The following LINGO1 variants were observed in gnomAD, a reference collection of about 807,000 sequenced individuals.
LINGO1 encodes the protein leucine rich repeat and Ig domain containing 1, also known as leucine-rich repeat and immunoglobulin-like domain-containing nogo receptor-interacting protein 1.
A neutral mutation model predicts 37.3 loss-of-function variants in LINGO1; 11 were observed. The ratio of observed to expected loss-of-function variants is 0.29; its 90% confidence interval spans 0.19 to 0.49. The LOEUF is 0.49. LINGO1 is among the 20% of genes least tolerant of loss of function. The pLI is 0.99. For synonymous variants in LINGO1, 387 were observed against 403.0 expected (o/e 0.96, Z 0.48); for missense variants, 585 against 878.2 (o/e 0.67, Z 4.22).
At chr15:77,732,250 C>A (rs2076160636) in intron 2 of LINGO1, among the ~76,000 whole-genome samples, 1 of 152,178 alleles carries the variant, frequency 6.6e-6, no homozygotes, top group East Asian at 1.9e-4. Flanking sequence ...GACCAGAGGG[C>A]TGGCAGAAAG....
chr15:77,709,527 C>T (rs966709045), intron 2 of LINGO1, among the ~76,000 whole-genome samples: 1 of 152,240 alleles, frequency 6.6e-6, no homozygotes, highest in African/African-American at 2.4e-5. Context: ...TTCAGGCTCA[C>T]TGCCCTGGGT....
upstream of LINGO1, among the ~76,000 whole-genome samples, chr15:77,791,492 GGA>G (rs1401565701): frequency 6.6e-6 from 1 of 152,064 alleles, no homozygotes; most frequent in African/African-American, 2.4e-5. Flanking sequence ...GGATGGAGGA[GGA>G]GAGTCACCTG....
chr15:77,785,218 G>A (rs2076759720), intron 1 of LINGO1: 1 of 152,160 alleles, frequency 6.6e-6, no homozygotes, highest in South Asian at 2.1e-4. Flanking sequence ...GAGCCTCCCA[G>A]CCCTCTCAGC....
chr15:77,701,489 G>C (rs1452922332), upstream of LINGO1, among the ~76,000 whole-genome samples: 2 of 152,162 alleles, frequency 1.3e-5, no homozygotes, highest in Non-Finnish European at 2.9e-5. Context: ...GCCTGAGAAG[G>C]CTTGTGATAT....
rs1324836644 is a variant in LINGO1 at position 77,615,256 on chromosome 15, G to A, written c.651C>T (p.Leu217=). Residue 217 remains leucine (L), a synonymous_variant, in exon 2 of 2, where the codon CTC becomes CTT. Transcript: ENST00000355300. ...PTEALSHLHG[L]IVLRLRHLNI... ...TGAGGTGCCGGAGCCTCAGGACGAT[G>A]AGGCCGTGCAGGTGGGACAGCGCCT... The A allele has an allele frequency of 5.0e-6, 8 of 1,613,858 alleles. No individual in the cohort carries two copies. Among genetic ancestry groups the A allele is most frequent in the Non-Finnish European group, 6.8e-6 (8 of 1,179,902 alleles).
chr15:77,794,251 A>G (rs2076839782), intron 2 of LINGO1, among the ~76,000 whole-genome samples: 1 of 151,114 alleles, frequency 6.6e-6, no homozygotes, highest in Non-Finnish European at 1.5e-5. Context: ...TTCTACCCAG[A>G]GCCAACTAAT....
At chr15:77,751,408 G>A (rs930598161) in intron 1 of LINGO1, among the ~76,000 whole-genome samples, 3 of 152,160 alleles carry the variant, frequency 2.0e-5, no homozygotes, top group Non-Finnish European at 2.9e-5. Context: ...TGGGGTTCAC[G>A]AGTCACAGGT....
At chr15:77,626,198 C>T (rs555396369) in intron 1 of LINGO1, among the ~76,000 whole-genome samples, 1 of 152,282 alleles carries the variant, frequency 6.6e-6, no homozygotes, top group South Asian at 2.1e-4. Flanking sequence ...CCAACCGCGG[C>T]CACTTTCTCT....
chr15:77,809,311 C>G (rs1448675961), intron 1 of LINGO1, among the ~76,000 whole-genome samples: 1 of 152,236 alleles, frequency 6.6e-6, no homozygotes. Context: ...GAGCAGAAAC[C>G]AGGCCTCAAA....
At chr15:77,642,029 G>A (rs1189977946) in intron 3 of LINGO1, 4 of 456,338 alleles carry the variant, frequency 8.8e-6, no homozygotes, top group African/African-American at 4.0e-5. Flanking sequence ...ATCTTGGAGG[G>A]TTGTGGGAAG....
In LINGO1 at chr15:77,632,400, GC is replaced by G. The variant is rs1596017561; in HGVS notation, c.-86del. The G allele has an allele frequency of 1.6e-6, 2 of 1,275,106 alleles. No individual in the cohort carries two copies. The highest frequency in any genetic ancestry group is 3.2e-5 in the East Asian group (1 of 31,136). The allele number at this position is 1,275,106 out of a possible 1,614,324, so 79.0% of individuals were successfully genotyped here. A position where few individuals can be genotyped will look rare whatever the true frequency, so the allele number is the denominator to read the frequency against. On this transcript the variant is annotated 5_prime_UTR_variant, in exon 1 of 2. Coordinates refer to ENST00000355300, the MANE Select transcript of LINGO1 (RefSeq NM_032808.7). This position sits in a 1 kb window ranked among gnomAD's most constrained non-coding sequence, Gnocchi z 6.0. ...CCGACCAGGCCCCAGCCCCTGCCCAGCCCCCTCCTCCGTTTCCTCCTCCTCC... is the reference window on the plus strand; with the variant it reads ...CCGACCAGGCCCCAGCCCCTGCCCAGCCCCTCCTCCGTTTCCTCCTCCTCC...
At chr15:77,738,895 C>A (rs35699564) in intron 1 of LINGO1, among the ~76,000 whole-genome samples, 18,599 of 152,128 alleles carry the variant, frequency 0.12, 1,628 homozygotes, top group African/African-American at 0.25. Flanking sequence ...AACTGCCTCC[C>A]ATATGAAGAA....
At chr15:77,634,658 AG>A (rs1439307213), upstream of LINGO1, among the ~76,000 whole-genome samples, 1 of 152,174 alleles carries the variant, frequency 6.6e-6, no homozygotes, top group Non-Finnish European at 1.5e-5. Flanking sequence ...GAGGTGAAGC[AG>A]GGAGGCCAGC....
intron 3 of LINGO1, among the ~76,000 whole-genome samples, chr15:77,657,924 C>CA (rs1252178272): frequency 6.6e-5 from 10 of 152,170 alleles, no homozygotes; most frequent in African/African-American, 2.4e-4. Flanking sequence ...AAAAATGTGT[C>CA]AGATTTTTAA....
upstream of LINGO1, among the ~76,000 whole-genome samples, chr15:77,790,254 TCTAAACC>T (rs2076808265): frequency 6.6e-6 from 1 of 152,182 alleles, no homozygotes; most frequent in South Asian, 2.1e-4. Flanking sequence ...CCTGCCCCTC[TCTAAACC>T]CTAGTTTGTT....
At chr15:77,684,918 G>A (rs761272959) in intron 2 of LINGO1, among the ~76,000 whole-genome samples, 4 of 152,124 alleles carry the variant, frequency 2.6e-5, no homozygotes, top group Admixed American at 6.5e-5. Context: ...CAACAAGCTC[G>A]GGGTGGTGCC....
upstream of LINGO1, among the ~76,000 whole-genome samples, chr15:77,697,100 T>C (rs980987929): frequency 4.0e-4 from 61 of 152,326 alleles, no homozygotes; most frequent in African/African-American, 1.3e-3. Flanking sequence ...GCTGTGATCA[T>C]GCCACTGCAC....
intron 1 of LINGO1, among the ~76,000 whole-genome samples, chr15:77,779,075 G>C (rs987999052): frequency 6.6e-6 from 1 of 152,004 alleles, no homozygotes; most frequent in African/African-American, 2.4e-5. Context: ...TGCTTTGAAT[G>C]GTCTCCCCAG....
rs1340516939 is a variant in LINGO1, at chr15:77,632,672, G to A, written c.-357C>T. Reference sequence around the variant, plus strand: ...CGCCTCTGCCGCTGGGGCCGGGGTCGAGGCCGGGCGCGCTCCGCCGCGGGG... The same window carrying A: ...CGCCTCTGCCGCTGGGGCCGGGGTCAAGGCCGGGCGCGCTCCGCCGCGGGG... On this transcript the variant is annotated 5_prime_UTR_variant, in exon 1 of 2. Coordinates refer to ENST00000355300, the MANE Select transcript of LINGO1 (RefSeq NM_032808.7). This position sits in a 1 kb window ranked among gnomAD's most constrained non-coding sequence, Gnocchi z 6.0. Among the ~76,000 whole-genome samples the A allele has an allele frequency of 6.9e-6, 1 of 145,526 alleles. No individual in the cohort carries two copies. Among genetic ancestry groups the A allele is most frequent in the African/African-American group, 2.5e-5 (1 of 40,580 alleles).
Sources: gnomAD v4.1 joint callset for allele counts (sites outside exome capture counted in the v4.1 genomes callset) on GRCh38, gnomAD v4.1.1 for gene constraint, Gnocchi (gnomAD v3.1) non-coding constraint, MANE v1.5 for transcripts, NCBI Gene and HGNC (gene_info 2026-07-23, HGNC 2026-07-21) for gene names.